The following MITF variants were observed in gnomAD, a reference collection of about 807,000 sequenced individuals.
The protein encoded by MITF is melanocyte inducing transcription factor.
In MITF, 17 loss-of-function variants were observed where a neutral mutation model predicts 60.5. The ratio of observed to expected loss-of-function variants is 0.28; its 90% CI spans 0.19 to 0.42. MITF has a LOEUF of 0.42. Among genes scored for constraint, MITF ranks in the 10% least tolerant of loss-of-function variants. MITF has a pLI of 1.00. For synonymous variants in MITF, 260 were observed against 248.5 expected (o/e 1.05, Z -0.43); for missense variants, 622 against 683.5 (o/e 0.91, Z 1.00).
chr3:69,950,473 T>TGCACACAC (rs1246082735), intron 6 of MITF, among the ~76,000 whole-genome samples: 19 of 147,654 alleles, frequency 1.3e-4, no homozygotes, highest in Non-Finnish European at 2.7e-4. Flanking sequence ...TATATATATA[T>TGCACACAC]ATATGCACAC....
intron 1 of MITF, among the ~76,000 whole-genome samples, chr3:69,794,001 G>T (rs1199230597): frequency 1.3e-5 from 2 of 152,186 alleles, no homozygotes; most frequent in African/African-American, 4.8e-5. Flanking sequence ...GATTTGAGCA[G>T]TTCACGAGGC....
intron 1 of MITF, among the ~76,000 whole-genome samples, chr3:69,868,953 T>C (rs2064170446): frequency 6.6e-6 from 1 of 150,978 alleles, no homozygotes; most frequent in South Asian, 2.1e-4. Context: ...TACTAAAATA[T>C]ATTCATTGAT....
chr3:69,752,070 G>T (rs2106771863), intron 1 of MITF: 1 of 152,326 alleles, frequency 6.6e-6, no homozygotes, highest in Non-Finnish European at 1.5e-5. Context: ...AAGCTGAGCA[G>T]ATGCCAGCAT....
chr3:69,805,499 AT>A (rs2062990605), intron 1 of MITF, among the ~76,000 whole-genome samples: 1 of 151,984 alleles, frequency 6.6e-6, no homozygotes, highest in South Asian at 2.1e-4. Flanking sequence ...ATTTGTTATC[AT>A]GTATTTTAAT....
At chr3:69,856,148 C>T (rs578086868) in intron 1 of MITF, among the ~76,000 whole-genome samples, 59 of 152,226 alleles carry the variant, frequency 3.9e-4, no homozygotes. Context: ...GCCACTCTAT[C>T]GGGGCTGTGT....
intron 2 of MITF, among the ~76,000 whole-genome samples, chr3:69,899,823 A>T (rs759084667): frequency 7.9e-5 from 12 of 152,194 alleles, no homozygotes; most frequent in Non-Finnish European, 1.6e-4. Flanking sequence ...AGGCAAAAAG[A>T]AAAAAGCATA....
chr3:69,784,164 T>TTTGTTGTTG (rs372749718), intron 1 of MITF, among the ~76,000 whole-genome samples: 5 of 151,702 alleles, frequency 3.3e-5, no homozygotes, highest in African/African-American at 1.2e-4. Context: ...TGCTTTTTGT[T>TTTGTTGTTG]TTGTTGTTGT....
chr3:69,897,796 C>T (rs1031811483), intron 2 of MITF, among the ~76,000 whole-genome samples: 2 of 152,028 alleles, frequency 1.3e-5, no homozygotes, highest in Non-Finnish European at 2.9e-5. Flanking sequence ...ATAGTAAGCC[C>T]TCATAAATTA....
chr3:69,876,786 G>C (rs549782900), intron 1 of MITF, among the ~76,000 whole-genome samples: 1 of 152,166 alleles, frequency 6.6e-6, no homozygotes, highest in Admixed American at 6.5e-5. Flanking sequence ...TATTGTCAAA[G>C]TGTTGTCTAT....
At chr3:69,808,151 A>AT (rs934996590) in intron 1 of MITF, among the ~76,000 whole-genome samples, 7 of 148,478 alleles carry the variant, frequency 4.7e-5, no homozygotes, top group Non-Finnish European at 1.0e-4. Flanking sequence ...ATATATATAT[A>AT]AAATTAGAGT....
At chr3:69,800,485 A>G (rs1011616043) in intron 1 of MITF, among the ~76,000 whole-genome samples, 1 of 152,220 alleles carries the variant, frequency 6.6e-6, no homozygotes, top group African/African-American at 2.4e-5. Context: ...ATGATTAAAC[A>G]TACCATAGAT....
intron 1 of MITF, among the ~76,000 whole-genome samples, chr3:69,845,017 C>A (rs997858806): frequency 3.2e-4 from 49 of 152,080 alleles, no homozygotes; most frequent in African/African-American, 1.1e-3. Context: ...TAACTGTAAA[C>A]CCTCTGGCTT....
At chr3:69,769,408 C>T (rs375664652) in intron 1 of MITF, 1 of 152,024 alleles carries the variant, frequency 6.6e-6, no homozygotes, top group Admixed American at 6.5e-5. Context: ...TATTTTTTGA[C>T]TACTTATTTT....
At chr3:69,861,921 A>G (rs543074668) in intron 1 of MITF, among the ~76,000 whole-genome samples, 45 of 152,284 alleles carry the variant, frequency 3.0e-4, no homozygotes, top group Admixed American at 5.9e-4. Context: ...TTCATTGAAC[A>G]TTCCACATGG....
In MITF at chr3:69,953,662, T is replaced by TATAG. The variant is rs1250294181; in HGVS notation, c.955+1777_955+1778insTAGA. 4.4e-3 allele frequency among the ~76,000 whole-genome samples: 598 copies of TATAG among 136,548 alleles called. 1 individual carries two copies. The highest frequency in any genetic ancestry group is 0.013 in the African/African-American group (506 of 37,676). The allele number at this position is 136,548 out of a possible 152,430, so 89.6% of individuals were successfully genotyped here. Reference sequence around the variant, plus strand: ...ATATATGTATGTATATATATATATATAGAGAGAGAGAGAGAGAGAGAGAGA... The same window carrying TATAG: ...ATATATGTATGTATATATATATATATATAGAGAGAGAGAGAGAGAGAGAGAGAGA... On this transcript the variant is annotated intron_variant, in intron 7 of 9. Transcript: ENST00000352241.
chr3:69,942,685 C>T (rs543550168), intron 5 of MITF, among the ~76,000 whole-genome samples: 1 of 152,186 alleles, frequency 6.6e-6, no homozygotes, highest in Admixed American at 6.5e-5. Context: ...TCTTGGAATC[C>T]TTGGTTGGCT....
intron 1 of MITF, among the ~76,000 whole-genome samples, chr3:69,760,386 G>A (rs190338963): frequency 2.6e-5 from 4 of 152,316 alleles, no homozygotes; most frequent in African/African-American, 9.6e-5. Flanking sequence ...AGCTGGTGGT[G>A]GAAGAATGCA....
At chr3:69,852,682 G>C (rs1485613761) in intron 1 of MITF, among the ~76,000 whole-genome samples, 3 of 152,154 alleles carry the variant, frequency 2.0e-5, no homozygotes, top group Non-Finnish European at 4.4e-5. Flanking sequence ...TTAAGAAATG[G>C]AATTACTAGG....
chr3:69,759,887 C>T (rs2062186018), intron 1 of MITF, among the ~76,000 whole-genome samples: 1 of 152,196 alleles, frequency 6.6e-6, no homozygotes, highest in African/African-American at 2.4e-5. Context: ...GTGCCATTCT[C>T]CTGCCTCAGC....
Sources: gnomAD v4.1 joint callset for allele counts (sites outside exome capture counted in the v4.1 genomes callset) on GRCh38, gnomAD v4.1.1 for gene constraint, MANE v1.5 for transcripts, NCBI Gene and HGNC (gene_info 2026-07-23, HGNC 2026-07-21) for gene names.